Variants in MAGI1 observed in about 807,000 individuals in gnomAD.
The protein encoded by MAGI1 is membrane associated guanylate kinase, WW and PDZ domain containing 1.
A neutral mutation model predicts 139.9 loss-of-function variants in MAGI1; 58 were observed. The ratio of observed to expected loss-of-function variants is 0.41; its 90% CI spans 0.34 to 0.52. MAGI1 has a LOEUF of 0.52. Ranked by LOEUF, MAGI1 falls within the 20% of genes least tolerant of loss-of-function variation. MAGI1 has a pLI of 0.12. For synonymous variants in MAGI1, 812 were observed against 737.9 expected, an observed-to-expected ratio of 1.10 and a Z score of -1.63; for missense variants, 1,874 against 1,901.6, an observed-to-expected ratio of 0.99 and a Z score of 0.27.
chr3:65,473,877 A>G (rs983222662), intron 4 of MAGI1, among the ~76,000 whole-genome samples: 14 of 152,254 alleles, frequency 9.2e-5, no homozygotes, highest in African/African-American at 2.2e-4. Flanking sequence ...AAGAAAATGG[A>G]AAGTCCAAAA....
At chr3:65,824,264 G>A (rs1232641287) in intron 1 of MAGI1, among the ~76,000 whole-genome samples, 1 of 152,176 alleles carries the variant, frequency 6.6e-6, no homozygotes, top group Non-Finnish European at 1.5e-5. Flanking sequence ...GTGGGATCTT[G>A]GAGGACGGAT....
chr3:65,940,973 C>A (rs1576171989), intron 1 of MAGI1, among the ~76,000 whole-genome samples: 1 of 152,270 alleles, frequency 6.6e-6, no homozygotes, highest in East Asian at 1.9e-4. Context: ...CCTGCTTCCA[C>A]CCTCAAAATT....
intron 4 of MAGI1, among the ~76,000 whole-genome samples, chr3:65,472,836 T>C (rs1483250970): frequency 6.6e-6 from 1 of 152,242 alleles, no homozygotes; most frequent in East Asian, 1.9e-4. Context: ...GAAATCTGTA[T>C]TTTTATGTAA....
intron 1 of MAGI1, among the ~76,000 whole-genome samples, chr3:65,891,885 AATATATATAT>A (rs55826911): frequency 0.023 from 877 of 37,432 alleles, 54 homozygotes; most frequent in Middle Eastern, 0.074. Flanking sequence ...CTTAAAGTAT[AATATATATAT>A]ATATATATAT....
intron 1 of MAGI1, among the ~76,000 whole-genome samples, chr3:65,684,948 GC>G (rs1361297689): frequency 1.4e-5 from 2 of 146,982 alleles, no homozygotes; most frequent in East Asian, 4.0e-4. Flanking sequence ...GAACTCCTGG[GC>G]TCAAGTGATC....
At chr3:65,603,420 T>A (rs1314499115) in intron 2 of MAGI1, among the ~76,000 whole-genome samples, 1 of 152,160 alleles carries the variant, frequency 6.6e-6, no homozygotes, top group Non-Finnish European at 1.5e-5. Flanking sequence ...ATAAAAAAAT[T>A]TATATGACAA....
At chr3:65,508,252 AAGTT>A (rs2077387934) in intron 2 of MAGI1, among the ~76,000 whole-genome samples, 1 of 151,864 alleles carries the variant, frequency 6.6e-6, no homozygotes, top group Non-Finnish European at 1.5e-5. Flanking sequence ...AAATACGAAA[AAGTT>A]AGCCGGGCGT....
rs939266581 is a variant in MAGI1 at position 65,729,130 on chromosome 3, G to C, written c.314-107042C>G. The stretch of plus-strand genomic sequence containing the variant: ...TAACAAAAAATGGAACGGGGGGGGG[G>C]GGGGGGATGATATTCACTCTGAAGA... On this transcript the variant is annotated intron_variant, in intron 1 of 22. Coordinates refer to ENST00000402939, the MANE Select transcript of MAGI1 (RefSeq NM_001033057.2). 5.3e-5 allele frequency among the ~76,000 whole-genome samples: 6 copies of C among 113,084 alleles called. 1 individual carries two copies. The highest frequency in any genetic ancestry group is 5.0e-4 in the South Asian group (1 of 2,004). The allele number at this position is 113,084 out of a possible 152,430, so 74.2% of individuals were successfully genotyped here.
intron 2 of MAGI1, among the ~76,000 whole-genome samples, chr3:65,601,465 G>C (rs1260008172): frequency 6.6e-6 from 1 of 152,098 alleles, no homozygotes; most frequent in Non-Finnish European, 1.5e-5. Flanking sequence ...TAGAGAATAA[G>C]AGAGACAGAA....
intron 1 of MAGI1, among the ~76,000 whole-genome samples, chr3:65,723,625 G>C (rs1576891180): frequency 1.3e-5 from 2 of 152,166 alleles, no homozygotes; most frequent in Admixed American, 6.5e-5. Context: ...AACATATCTA[G>C]CAACATCAGT....
chr3:65,673,457 A>C (rs2086989635), intron 1 of MAGI1, among the ~76,000 whole-genome samples: 1 of 152,196 alleles, frequency 6.6e-6, no homozygotes, highest in Non-Finnish European at 1.5e-5. Context: ...CGGGTTAAAT[A>C]GATAATTTGT....
intron 1 of MAGI1, among the ~76,000 whole-genome samples, chr3:65,708,337 T>G (rs1303602109): frequency 1.3e-5 from 2 of 151,950 alleles, no homozygotes; most frequent in Non-Finnish European, 1.5e-5. Flanking sequence ...TCTGTCCTCT[T>G]GTAATTACCA....
intron 2 of MAGI1, among the ~76,000 whole-genome samples, chr3:65,529,708 T>A (rs2078551205): frequency 6.6e-6 from 1 of 152,226 alleles, no homozygotes; most frequent in Non-Finnish European, 1.5e-5. Context: ...TCTTTTCAAT[T>A]CTTATGAGTA....
chr3:65,748,779 G>C (rs941205784), intron 1 of MAGI1, among the ~76,000 whole-genome samples: 1 of 152,188 alleles, frequency 6.6e-6, no homozygotes, highest in Non-Finnish European at 1.5e-5. Flanking sequence ...GACCTCCTGG[G>C]GGAGTTATTG....
chr3:65,852,381 T>A (rs998550035), intron 1 of MAGI1, among the ~76,000 whole-genome samples: 11 of 152,142 alleles, frequency 7.2e-5, no homozygotes, highest in Non-Finnish European at 4.4e-5. Flanking sequence ...TGCTCTCACG[T>A]TGTGTTTCAG....
chr3:65,653,568 T>C (rs1050823932), intron 1 of MAGI1, among the ~76,000 whole-genome samples: 2 of 152,104 alleles, frequency 1.3e-5, no homozygotes, highest in African/African-American at 4.8e-5. Context: ...CTACAGGAGT[T>C]TATAAAACCC....
chr3:65,904,128 C>G (rs1196721678), intron 1 of MAGI1, among the ~76,000 whole-genome samples: 2 of 152,166 alleles, frequency 1.3e-5, no homozygotes, highest in African/African-American at 4.8e-5. Flanking sequence ...TGTGCCATAA[C>G]TTTTTGATTC....
At chr3:65,515,148 A>G (rs9882974) in intron 2 of MAGI1, among the ~76,000 whole-genome samples, 93,616 of 110,186 alleles carry the variant, frequency 0.85, 39,682 homozygotes, top group East Asian at 0.96. Flanking sequence ...ATCACACTCT[A>G]GGGACTGTGG....
At chr3:66,022,488 G>C (rs1424166148) in intron 1 of MAGI1, among the ~76,000 whole-genome samples, 1 of 152,110 alleles carries the variant, frequency 6.6e-6, no homozygotes, top group Non-Finnish European at 1.5e-5. Flanking sequence ...TAAATTTATA[G>C]GGTTAATAAA....
Sources: allele counts gnomAD v4.1 joint callset (sites outside exome capture counted in the v4.1 genomes callset), GRCh38; gene constraint gnomAD v4.1.1; transcripts MANE v1.5; gene names NCBI Gene and HGNC (gene_info 2026-07-23, HGNC 2026-07-21).